The following GFOD2 variants were observed in gnomAD, a reference collection of about 807,000 sequenced individuals.
GFOD2 encodes the protein Gfo/Idh/MocA-like oxidoreductase domain containing 2.
GFOD2 carries 9 observed loss-of-function variants against 24.6 expected under a neutral mutation model. That is an observed-to-expected ratio of 0.37 (90% confidence interval 0.22 to 0.64). The LOEUF is 0.64. GFOD2 is among the 30% of genes least tolerant of loss of function. The pLI, the probability that GFOD2 is intolerant of heterozygous loss-of-function variation, is 0.65. For missense variants in GFOD2, 476 were observed against 532.5 expected (o/e 0.89, Z 1.04); for synonymous variants, 211 against 224.8 (o/e 0.94, Z 0.55).
intron 2 of GFOD2, chr16:67,683,687 C>T (rs1326702638): frequency 1.6e-6 from 2 of 1,230,962 alleles, no homozygotes; most frequent in Non-Finnish European, 2.0e-6. Flanking sequence ...CCTTCCCTAC[C>T]CACTGAGCCA....
At chr16:67,704,238 CTG>C (rs1353087760) in intron 1 of GFOD2, among the ~76,000 whole-genome samples, 1 of 152,198 alleles carries the variant, frequency 6.6e-6, no homozygotes, top group African/African-American at 2.4e-5. Flanking sequence ...ATTTGGGTGA[CTG>C]TTTACCAGCT....
intron 1 of GFOD2, among the ~76,000 whole-genome samples, chr16:67,709,874 C>T (rs774592727): frequency 1.3e-5 from 2 of 152,124 alleles, no homozygotes; most frequent in East Asian, 1.9e-4. Context: ...GTGATCCGCC[C>T]GTCTCAGCCT....
At chr16:67,680,754 AT>A (rs2053218911) in intron 2 of GFOD2, 16 of 963,142 alleles carry the variant, frequency 1.7e-5, no homozygotes, top group Non-Finnish European at 1.9e-5. Flanking sequence ...TTATTTATTT[AT>A]TTTTTTAATA....
intron 1 of GFOD2, among the ~76,000 whole-genome samples, chr16:67,701,873 G>C (rs755278909): frequency 6.6e-6 from 1 of 151,882 alleles, no homozygotes; most frequent in Non-Finnish European, 1.5e-5. Flanking sequence ...AACCCAAAAG[G>C]CCCGACTGTT....
chr16:67,705,843 G>A (rs1346053532), intron 1 of GFOD2, among the ~76,000 whole-genome samples: 1 of 151,456 alleles, frequency 6.6e-6, no homozygotes, highest in Non-Finnish European at 1.5e-5. Context: ...AGGAGGCTGA[G>A]GCACGAGAAT....
intron 2 of GFOD2, among the ~76,000 whole-genome samples, chr16:67,678,906 G>A (rs1014249985): frequency 6.6e-6 from 1 of 152,154 alleles, no homozygotes; most frequent in Admixed American, 6.5e-5. Context: ...GGTGGCTCAC[G>A]CTTATAATCC....
rs1291296419 is a variant in GFOD2 at position 67,674,875 on chromosome 16, C to A, written c.*280G>T. 4.6e-6 allele frequency: 2 copies of A among 437,072 alleles called. No homozygotes were observed. Among genetic ancestry groups the A allele is most frequent in the Non-Finnish European group, 8.2e-6 (2 of 243,136 alleles). 27.1% of individuals were successfully genotyped at this position (437,072 alleles called of 1,614,324 possible). On this transcript the variant is annotated 3_prime_UTR_variant, in exon 3 of 3. Coordinates refer to ENST00000268797, the MANE Select transcript of GFOD2 (RefSeq NM_030819.4). The stretch of plus-strand genomic sequence containing the variant: ...AGGCTGAAGGGCTCCCCAGGGTGAG[C>A]CTTTCCTGGTCCGACTCACTGGCAT...
At chr16:67,716,921 CAG>C (rs2053510712) in intron 1 of GFOD2, among the ~76,000 whole-genome samples, 1 of 152,162 alleles carries the variant, frequency 6.6e-6, no homozygotes, top group Middle Eastern at 3.4e-3. Context: ...TTTTTTGAAA[CAG>C]AGTTTAGCTC....
At chr16:67,686,654 AC>A in intron 1 of GFOD2, among the ~76,000 whole-genome samples, 1 of 150,110 alleles carries the variant, frequency 6.7e-6, no homozygotes, top group South Asian at 2.1e-4. Context: ...ACATGGCCAA[AC>A]CCCATCTCTG....
chr16:67,695,787 C>T (rs776098629), intron 1 of GFOD2, among the ~76,000 whole-genome samples: 3 of 151,798 alleles, frequency 2.0e-5, no homozygotes, highest in South Asian at 4.2e-4. Context: ...CCTCCTGCCT[C>T]GGCCTCCCAA....
At chr16:67,708,875 A>G (rs531454448) in intron 1 of GFOD2, among the ~76,000 whole-genome samples, 1 of 152,312 alleles carries the variant, frequency 6.6e-6, no homozygotes, top group South Asian at 2.1e-4. Context: ...TTGAAATGCA[A>G]ATAAGACTCA....
intron 1 of GFOD2, among the ~76,000 whole-genome samples, chr16:67,717,060 A>AC (rs2053512105): frequency 6.6e-6 from 1 of 151,904 alleles, no homozygotes; most frequent in African/African-American, 2.4e-5. Context: ...CCATGCCCCG[A>AC]TAATTTTGTA....
At chr16:67,686,099 G>C (rs1000454548) in intron 1 of GFOD2, among the ~76,000 whole-genome samples, 34 of 152,094 alleles carry the variant, frequency 2.2e-4, no homozygotes, top group African/African-American at 8.2e-4. Context: ...ACGGCGAGAT[G>C]TCATCTCTAT....
At chr16:67,683,718 A>T (rs2053244938) in intron 2 of GFOD2, 1 of 1,229,398 alleles carries the variant, frequency 8.1e-7, no homozygotes, top group African/African-American at 1.6e-5. Flanking sequence ...ACACCTTCCT[A>T]TGACATTCCT....
intron 1 of GFOD2, among the ~76,000 whole-genome samples, chr16:67,715,395 C>T (rs532060374): frequency 9.8e-5 from 15 of 152,320 alleles, no homozygotes; most frequent in African/African-American, 2.6e-4. Flanking sequence ...TTCACATCAC[C>T]ATGAGAGAAA....
intron 1 of GFOD2, among the ~76,000 whole-genome samples, chr16:67,699,905 C>T (rs1489718998): frequency 1.3e-5 from 2 of 151,744 alleles, no homozygotes; most frequent in African/African-American, 2.4e-5. Flanking sequence ...CATGGTGAAA[C>T]CCTGTCTCTA....
At chr16:67,711,422 T>C (rs2053472789) in intron 1 of GFOD2, among the ~76,000 whole-genome samples, 1 of 152,116 alleles carries the variant, frequency 6.6e-6, no homozygotes, top group Non-Finnish European at 1.5e-5. Flanking sequence ...TCTGCTCATT[T>C]CTCCTGATGG....
chr16:67,685,651 A>T lies in GFOD2; in HGVS notation c.65T>A (p.Leu22Gln). The change falls in exon 2 of 3, where the codon CTG becomes CAG. Residue 22 changes from leucine to glutamine, a missense_variant. Transcript: ENST00000268797. The stretch of plus-strand genomic sequence containing the variant: ...AACAGTGAACCCTTCTGCCCTCAGC[A>T]GTGGGACCAGAACTCGGGCGGAGCT... ...TGSSARVLVP[L>Q]LRAEGFTVEA... 1 of 1,614,120 alleles carries T rather than the reference A, an allele frequency of 6.2e-7. No individual in the cohort carries two copies. The highest frequency in any genetic ancestry group is 1.1e-5 in the South Asian group (1 of 91,078).
chr16:67,714,529 T>C (rs1376427007), intron 1 of GFOD2, among the ~76,000 whole-genome samples: 1 of 151,528 alleles, frequency 6.6e-6, no homozygotes, highest in Non-Finnish European at 1.5e-5. Context: ...TGCCTAAGGT[T>C]ATCATCCTAA....
Sources: allele counts gnomAD v4.1 joint callset (sites outside exome capture counted in the v4.1 genomes callset), GRCh38; gene constraint gnomAD v4.1.1; transcripts MANE v1.5; gene names NCBI Gene and HGNC (gene_info 2026-07-23, HGNC 2026-07-21).